RGS3: variants seen among roughly 807,000 people sequenced by gnomAD.
RGS3 encodes regulator of G protein signaling 3.
RGS3 carries 80 observed loss-of-function variants against 132.6 expected under a neutral mutation model. The observed-to-expected ratio is 0.60, with a 90% CI of 0.50 to 0.73. The LOEUF (loss-of-function observed/expected upper bound fraction) is 0.73, where lower values mean the gene tolerates loss of function less well. RGS3 is among the 30% of genes least tolerant of loss of function. RGS3 has a pLI of 0.00. For missense variants in RGS3, 1,382 were observed against 1,530.8 expected, an observed-to-expected ratio of 0.90 and a Z score of 1.62; for synonymous variants, 598 against 620.6, an observed-to-expected ratio of 0.96 and a Z score of 0.54.
At chr9:113,578,462 CT>C (rs1337897492) in intron 19 of RGS3, among the ~76,000 whole-genome samples, 2 of 152,216 alleles carry the variant, frequency 1.3e-5, no homozygotes, top group African/African-American at 2.4e-5. Flanking sequence ...GGAGCTCCCC[CT>C]AATGTAAGTA....
chr9:113,491,143 ATTAT>A lies in RGS3; in HGVS notation c.690-4638_690-4635del, dbSNP rs958501751. On this transcript the variant is annotated intron_variant, in intron 7 of 24. Transcript: ENST00000350696. The stretch of plus-strand genomic sequence containing the variant: ...TAGAAATTATATATACTAATATATA[ATTAT>A]TTATATATTATATATATTCTTTATA... 1.2e-4 allele frequency among the ~76,000 whole-genome samples: 17 copies of A among 144,472 alleles called. No homozygotes were observed. The East Asian group carries it at 1.2e-3, about 10-fold the overall frequency. 94.8% of individuals were successfully genotyped at this position (144,472 alleles called of 152,430 possible).
chr9:113,529,841 G>A lies in RGS3; in HGVS notation c.1914+577G>A, dbSNP rs1271412256. On this transcript the variant is annotated intron_variant, in intron 18 of 24. Transcript: ENST00000350696. ...CCTGGTTATCTCAGTCTGATCAGAA[G>A]CTTAGATAGGCAGTGCTGTGCCTTT... Among the ~76,000 whole-genome samples the A allele has an allele frequency of 2.0e-5, 3 of 152,210 alleles. 1 individual carries two copies. Among genetic ancestry groups the A allele is most frequent in the Admixed American group, 6.5e-5 (1 of 15,286 alleles).
intron 20 of RGS3, among the ~76,000 whole-genome samples, chr9:113,587,359 C>T: frequency 6.6e-6 from 1 of 152,176 alleles, no homozygotes; most frequent in Non-Finnish European, 1.5e-5. Flanking sequence ...CAATGCCAGG[C>T]AAGAGGTGAA....
chr9:113,580,339 C>T (rs577084521), intron 19 of RGS3, among the ~76,000 whole-genome samples: 1 of 152,364 alleles, frequency 6.6e-6, no homozygotes, highest in East Asian at 1.9e-4. Context: ...AATCCTGCAT[C>T]AGCCTCTCAT....
intron 1 of RGS3, among the ~76,000 whole-genome samples, chr9:113,446,792 C>T (rs1276878740): frequency 6.6e-6 from 1 of 151,990 alleles, no homozygotes; most frequent in Non-Finnish European, 1.5e-5. Context: ...TGGCACATGT[C>T]CAAAAGGCCT....
In RGS3 at chr9:113,497,163, C is replaced by T. The variant is rs558829855; in HGVS notation, c.751-151C>T. 2.6e-5 allele frequency: 16 copies of T among 618,590 alleles called. No individual in the cohort carries two copies. The East Asian group carries it at 4.4e-4, about 17-fold the overall frequency. 38.3% of individuals were successfully genotyped at this position (618,590 alleles called of 1,614,324 possible). Reference sequence around the variant, plus strand: ...CATCACGGAAGGCTTCCTGGAGGTGCAGGCATGGCAGCTCGGGGCCAGGAA... The same window carrying T: ...CATCACGGAAGGCTTCCTGGAGGTGTAGGCATGGCAGCTCGGGGCCAGGAA... On this transcript the variant is annotated intron_variant, in intron 8 of 24. Transcript: ENST00000350696.
chr9:113,490,325 T>C (rs1830467382), intron 7 of RGS3, among the ~76,000 whole-genome samples: 1 of 152,142 alleles, frequency 6.6e-6, no homozygotes, highest in Admixed American at 6.5e-5. Flanking sequence ...CCCATCCACT[T>C]TCCCCTTCTC....
In RGS3 at chr9:113,447,329, GTATATATATATATATATA is replaced by G. The variant is rs60991619; in HGVS notation, c.-13+2417_-13+2434del. ...CCAATAAATTCTGATGTATGTATAT[GTATATATATATATATATA>G]TATATATATATATAGGCAAGGGTTG... is the stretch of plus-strand genomic sequence containing the variant. On this transcript the variant is annotated intron_variant, in intron 1 of 25. Coordinates refer to the RGS3 transcript ENST00000374140. Among the ~76,000 whole-genome samples, 23 of 27,552 alleles carry G rather than the reference GTATATATATATATATATA, an allele frequency of 8.3e-4. 4 individuals are homozygous for G. The East Asian group carries it at 0.019, about 23-fold the overall frequency. 18.1% of individuals were successfully genotyped at this position (27,552 alleles called of 152,430 possible). A position where few individuals can be genotyped will look rare whatever the true frequency, so the allele number is the denominator to read the frequency against.
chr9:113,537,513 A>T lies in RGS3; in HGVS notation c.2037+595A>T, dbSNP rs1352404827. Among the ~76,000 whole-genome samples the T allele has an allele frequency of 2.0e-5, 3 of 152,112 alleles. No homozygotes were observed. Among genetic ancestry groups the T allele is most frequent in the African/African-American group, 7.2e-5 (3 of 41,420 alleles). On this transcript the variant is annotated intron_variant, in intron 19 of 24. Coordinates refer to ENST00000350696, the Ensembl canonical transcript of RGS3. The surrounding 1 kb of genome is among the most constrained non-coding windows in gnomAD (Gnocchi z 4.3). ...CCAGTGCCTGGGGAGAGGGGATGGG[A>T]TAGGAGCTGGACCACACAGCCTTCC...
exon 17 of RGS3, chr9:113,522,935 A>T: frequency 6.2e-7 from 1 of 1,611,226 alleles, no homozygotes; most frequent in Non-Finnish European, 8.5e-7. Context: ...CCCAGGTGAC[A>T]CTGTTTGCCT....
intron 1 of RGS3, among the ~76,000 whole-genome samples, chr9:113,454,862 T>C (rs1422145742): frequency 6.6e-6 from 1 of 152,126 alleles, no homozygotes; most frequent in Non-Finnish European, 1.5e-5. Context: ...GTGTGAGCTT[T>C]AAAGATTGTT....
intron 1 of RGS3, among the ~76,000 whole-genome samples, chr9:113,447,329 G>GTATATATGTATATGTATATATATATA (rs1305095004): frequency 1.1e-4 from 3 of 27,532 alleles, no homozygotes; most frequent in Non-Finnish European, 2.2e-4. Flanking sequence ...GTATGTATAT[G>GTATATATGTATATGTATATATATATA]TATATATATA....
Position 113,463,981 on chromosome 9 carries a change from G to A in RGS3, c.415+1780G>A, listed in dbSNP as rs548725266. 19 of 1,301,604 alleles carry A rather than the reference G, an allele frequency of 1.5e-5. No homozygotes were observed. In the South Asian group the frequency reaches 2.4e-4, roughly 16 times the overall value. 80.6% of individuals were successfully genotyped at this position (1,301,604 alleles called of 1,614,324 possible). ...GTGACAGGGGAGGCTGGGAGCAGGT[G>A]CTCTTTCTATCTAGGGGCACCTTCT... On this transcript the variant is annotated intron_variant, in intron 3 of 24. Transcript: ENST00000350696. The surrounding 1 kb of genome is among the most constrained non-coding windows in gnomAD (Gnocchi z 4.6).
chr9:113,513,227 C>T (rs1016033214), intron 14 of RGS3, among the ~76,000 whole-genome samples: 1 of 152,136 alleles, frequency 6.6e-6, no homozygotes, highest in Non-Finnish European at 1.5e-5. Context: ...ACAACAAAAA[C>T]GTGTGCACCA....
chr9:113,484,574 A>G (rs1384898594), intron 6 of RGS3, among the ~76,000 whole-genome samples: 1 of 152,112 alleles, frequency 6.6e-6, no homozygotes, highest in African/African-American at 2.4e-5. Flanking sequence ...AGCCGAAGGA[A>G]TTTTCCAAGC....
chr9:113,517,737 G>A (rs1190540912), intron 16 of RGS3, 113 bp downstream of exon 14: 1 of 765,534 alleles, frequency 1.3e-6, no homozygotes, highest in Admixed American at 2.7e-5. Context: ...ACATTCTCAG[G>A]GTAGGGGAGA....
chr9:113,559,299 C>T (rs776087889), intron 19 of RGS3, among the ~76,000 whole-genome samples: 11 of 152,372 alleles, frequency 7.2e-5, no homozygotes, highest in Middle Eastern at 3.4e-3. Flanking sequence ...CCGAAGTCTC[C>T]GGCCAGCATG....
chr9:113,566,241 G>A (rs1160260979), intron 19 of RGS3, among the ~76,000 whole-genome samples: 5 of 152,124 alleles, frequency 3.3e-5, no homozygotes, highest in African/African-American at 4.8e-5. Flanking sequence ...CTGCTGAAAC[G>A]TCCACTGGAA....
exon 15 of RGS3, chr9:113,514,630 C>T: frequency 6.2e-7 from 1 of 1,613,756 alleles, no homozygotes; most frequent in Non-Finnish European, 8.5e-7. Context: ...CCCCCAAAGT[C>T]CTGGTGTTCC....
Sources: allele counts gnomAD v4.1 joint callset (sites outside exome capture counted in the v4.1 genomes callset), GRCh38; gene constraint gnomAD v4.1.1; non-coding constraint Gnocchi (gnomAD v3.1); transcripts MANE v1.5; gene names NCBI Gene and HGNC (gene_info 2026-07-23, HGNC 2026-07-21).